NLRP8: variants seen among roughly 807,000 people sequenced by gnomAD.
NLRP8 encodes NACHT, LRR and PYD domains-containing protein 8.
A neutral mutation model predicts 88.7 loss-of-function variants in NLRP8; 86 were observed. The ratio of observed to expected loss-of-function variants is 0.97; its 90% CI spans 0.81 to 1.16. NLRP8 has a LOEUF of 1.16. NLRP8 is among the 50% of genes most tolerant of loss of function. The pLI is 0.00. For missense variants in NLRP8, 1,342 were observed against 1,286.5 expected, an observed-to-expected ratio of 1.04 and a Z score of -0.66; for synonymous variants, 504 against 494.6, an observed-to-expected ratio of 1.02 and a Z score of -0.25.
At position 55,948,190 on chromosome 19, in the gene NLRP8, C is replaced by T. The variant is rs146471073; in HGVS notation, c.288C>T (p.Arg96=). ...TGATAGAGCGTTTCCCTGGACGACGCGCTTGGGATGTGACTTCGAACATCT... is the reference window on the plus strand; with the variant it reads ...TGATAGAGCGTTTCCCTGGACGACGTGCTTGGGATGTGACTTCGAACATCT... Residue 96 remains arginine (R), a synonymous_variant, in exon 1 of 10, where the codon CGC becomes CGT. Transcript: ENST00000291971. 5.5e-5 allele frequency: 88 copies of T among 1,614,034 alleles called. No individual in the cohort carries two copies. Among genetic ancestry groups the T allele is most frequent in the Non-Finnish European group, 6.0e-5 (71 of 1,180,040 alleles).
intron 9 of NLRP8, among the ~76,000 whole-genome samples, chr19:55,986,386 TCA>T (rs1464830597): frequency 6.7e-6 from 1 of 149,504 alleles, no homozygotes; most frequent in Non-Finnish European, 1.5e-5. Context: ...ACACATTCTC[TCA>T]CACACATACA....
At chr19:55,954,406 A>T in intron 2 of NLRP8, 95 bp from the exon 3 acceptor site, 1 of 1,240,966 alleles carries the variant, frequency 8.1e-7, no homozygotes, top group Non-Finnish European at 1.1e-6. Flanking sequence ...ACGGGGCTTC[A>T]CGTAGACATC....
chr19:55,967,325 C>A (rs1272742726), intron 5 of NLRP8, among the ~76,000 whole-genome samples: 1 of 152,174 alleles, frequency 6.6e-6, no homozygotes, highest in African/African-American at 2.4e-5. Context: ...CCATCCTGAC[C>A]TTCCCCTGCT....
chr19:55,961,636 T>C (rs1205942138), intron 3 of NLRP8, among the ~76,000 whole-genome samples: 2 of 140,192 alleles, frequency 1.4e-5, no homozygotes, highest in Non-Finnish European at 3.0e-5. Flanking sequence ...TCCCTGTTTC[T>C]ACAAAAAATA....
At chr19:55,949,197 T>A (rs2123179338) in intron 1 of NLRP8, among the ~76,000 whole-genome samples, 1 of 152,318 alleles carries the variant, frequency 6.6e-6, no homozygotes, top group Admixed American at 6.5e-5. Flanking sequence ...TCTCTTACTG[T>A]ACCTAATTTA....
intron 6 of NLRP8, among the ~76,000 whole-genome samples, chr19:55,972,813 G>GTGTGTGTGTA (rs1555756878): frequency 3.3e-4 from 35 of 105,176 alleles, no homozygotes; most frequent in African/African-American, 1.2e-3. Flanking sequence ...GTGTGTATGT[G>GTGTGTGTGTA]TGTGTGTGTG....
chr19:55,963,841 C>T (rs576297469), intron 4 of NLRP8, among the ~76,000 whole-genome samples: 149 of 152,252 alleles, frequency 9.8e-4, no homozygotes, highest in Admixed American at 1.6e-3. Flanking sequence ...AGGTGTGAGC[C>T]ATTGCAACCA....
At chr19:55,966,161 TC>T in intron 4 of NLRP8, 51 bp from the exon 5 acceptor site, 6 of 1,573,548 alleles carry the variant, frequency 3.8e-6, no homozygotes, top group Non-Finnish European at 5.2e-6. Flanking sequence ...GCCACAGAAT[TC>T]TACGACTGTG....
chr19:55,961,977 C>A (rs894984293), intron 3 of NLRP8, 90 bp from the exon 4 acceptor site: 6 of 1,363,854 alleles, frequency 4.4e-6, no homozygotes, highest in South Asian at 1.4e-5. Flanking sequence ...ATGGCCCTAA[C>A]CAGGATAGGG....
At chr19:55,979,772 A>G (rs1431579422) in intron 9 of NLRP8, among the ~76,000 whole-genome samples, 1 of 151,920 alleles carries the variant, frequency 6.6e-6, no homozygotes, top group Admixed American at 6.6e-5. Flanking sequence ...TAGAAAAATT[A>G]ACTAGGCATG....
chr19:55,951,143 A>G (rs949046564), intron 1 of NLRP8, among the ~76,000 whole-genome samples: 10 of 152,160 alleles, frequency 6.6e-5, no homozygotes, highest in Non-Finnish European at 8.8e-5. Flanking sequence ...GTGCCTTTCC[A>G]TGTTCCTCAG....
At position 55,967,797 on chromosome 19, in the gene NLRP8, G is replaced by A. The variant is rs190169619; in HGVS notation, c.2381+1417G>A. ...TTTCATGAGCCAGTTGTTAAACAAC[G>A]TTTTTAAAAATTAAATCATAGGCTT... is the stretch of plus-strand genomic sequence containing the variant. On this transcript the variant is annotated intron_variant, in intron 5 of 9. Coordinates refer to ENST00000291971, the MANE Select transcript of NLRP8 (RefSeq NM_176811.2). Among the ~76,000 whole-genome samples, 45 of 152,324 alleles carry A rather than the reference G, an allele frequency of 3.0e-4. 1 individual carries two copies. Among genetic ancestry groups the A allele is most frequent in the East Asian group, 2.9e-3 (15 of 5,192 alleles).
chr19:55,987,904 T>A lies in NLRP8; in HGVS notation c.3138T>A (p.Ile1046=). ...GAAAAAGTGACTGCCTATCCCAGAT[T>A]AATCCTTAGGCCGTCCAGTCATCTT... Residue 1046 remains isoleucine (I), a synonymous_variant, in exon 10 of 10, where the codon ATT becomes ATA. Transcript: ENST00000291971. 1 of 1,612,310 alleles carries A rather than the reference T, an allele frequency of 6.2e-7. No individual in the cohort carries two copies. The highest frequency in any genetic ancestry group is 1.3e-5 in the African/African-American group (1 of 74,988).
chr19:55,976,459 T>C (rs546805208), intron 8 of NLRP8, among the ~76,000 whole-genome samples, 156 bp downstream of exon 8: 1 of 152,244 alleles, frequency 6.6e-6, no homozygotes, highest in Non-Finnish European at 1.5e-5. Context: ...GCCGTGGTTC[T>C]CAAAGTGTGG....
chr19:55,965,541 A>G (rs1979797503), intron 4 of NLRP8, among the ~76,000 whole-genome samples: 1 of 152,160 alleles, frequency 6.6e-6, no homozygotes, highest in African/African-American at 2.4e-5. Flanking sequence ...AGGAGAGTGC[A>G]GGGAAAACCA....
chr19:55,968,148 T>G (rs112175417), intron 5 of NLRP8, among the ~76,000 whole-genome samples: 1 of 152,308 alleles, frequency 6.6e-6, no homozygotes, highest in Non-Finnish European at 1.5e-5. Flanking sequence ...ATTTAAAAAT[T>G]TTTGTGGCGG....
At position 55,948,056 on chromosome 19, in the gene NLRP8, G is replaced by C. The variant is rs748317238; in HGVS notation, c.154G>C (p.Glu52Gln). Residue 52 changes from glutamate (E) to glutamine (Q), a missense_variant, in exon 1 of 10, where the codon GAG becomes CAG. Physicochemically the swap from Glu to Gln is conservative, Grantham distance 29. Coordinates refer to ENST00000291971, the MANE Select transcript of NLRP8 (RefSeq NM_176811.2). ...GTACATGAGAAACGTGAGCCATGAG[G>C]AGCTACAACGGTTCAAGCAGCTCTT... The C allele has an allele frequency of 1.1e-5, 17 of 1,613,978 alleles. No homozygotes were observed. The highest frequency in any genetic ancestry group is 1.4e-5 in the Non-Finnish European group (16 of 1,180,038).
In NLRP8 at chr19:55,955,479, T is replaced by TTGAGGAAGCCAAGC; in HGVS notation, c.1424_1437dup (p.Asp480ArgfsTer16). ...AAATGGGTGTTAGGTAAAGAAGATC[T>TTGAGGAAGCCAAGC]TGAGGAAGCCAAGCTGGATCAGACG... On this transcript the variant is annotated frameshift_variant, in exon 3 of 10. Coordinates refer to ENST00000291971, the MANE Select transcript of NLRP8 (RefSeq NM_176811.2). LOFTEE classifies it high-confidence loss of function. 3.1e-6 allele frequency: 5 copies of TTGAGGAAGCCAAGC among 1,614,238 alleles called. No homozygotes were observed. The highest frequency in any genetic ancestry group is 4.2e-6 in the Non-Finnish European group (5 of 1,180,036).
chr19:55,980,724 C>A lies in NLRP8; in HGVS notation c.3047+1160C>A, dbSNP rs567564196. ...TGACTGACAGCTCAAAACAGAGCCA[C>A]AGTCTTTTATTACTTAATCTTGAAA... On this transcript the variant is annotated intron_variant, in intron 9 of 9. Coordinates refer to ENST00000291971, the MANE Select transcript of NLRP8 (RefSeq NM_176811.2). 1.7e-4 allele frequency among the ~76,000 whole-genome samples: 26 copies of A among 152,286 alleles called. No individual in the cohort carries two copies. The South Asian group carries it at 3.7e-3, about 22-fold the overall frequency.
Sources: allele counts gnomAD v4.1 joint callset (sites outside exome capture counted in the v4.1 genomes callset), GRCh38; gene constraint gnomAD v4.1.1; transcripts MANE v1.5; gene names NCBI Gene and HGNC (gene_info 2026-07-23, HGNC 2026-07-21).